Variants in ITFG1 observed in about 807,000 individuals in gnomAD.
The protein encoded by ITFG1 is integrin alpha FG-GAP repeat containing 1, also known as T-cell immunomodulatory protein.
ITFG1 carries 34 observed loss-of-function variants against 81.8 expected under a neutral mutation model. The observed-to-expected ratio is 0.42, with a 90% CI of 0.32 to 0.55. The LOEUF (loss-of-function observed/expected upper bound fraction) is 0.55, where lower values mean the gene tolerates loss of function less well. Ranked by LOEUF, ITFG1 falls within the 20% of genes least tolerant of loss-of-function variation. ITFG1 has a pLI of 0.17. For missense variants in ITFG1, 672 were observed against 755.4 expected, an observed-to-expected ratio of 0.89 and a Z score of 1.29; for synonymous variants, 285 against 270.6, an observed-to-expected ratio of 1.05 and a Z score of -0.52.
intron 14 of ITFG1, among the ~76,000 whole-genome samples, chr16:47,188,256 T>C (rs1965248941): frequency 6.6e-6 from 1 of 152,060 alleles, no homozygotes; most frequent in Non-Finnish European, 1.5e-5. Flanking sequence ...AGCCGTCCCA[T>C]TACTGGGTAT....
chr16:47,162,666 TAG>T lies in ITFG1; in HGVS notation c.1454-4_1454-3del, dbSNP rs1158036454. On this transcript the variant is annotated splice_polypyrimidine_tract_variant and splice_region_variant and intron_variant, in intron 14 of 17. Coordinates refer to ENST00000320640, the MANE Select transcript of ITFG1 (RefSeq NM_030790.5). ...GTGCGGATTGGCTGAGTTGGCCAGC[TAG>T]AGTTATTCAATTAAAAAAAAATTAA... 1.3e-6 allele frequency: 2 copies of T among 1,584,046 alleles called. No homozygotes were observed. Among genetic ancestry groups the T allele is most frequent in the Admixed American group, 3.8e-5 (2 of 53,150 alleles).
rs571770341 is a variant in ITFG1 at position 47,325,744 on chromosome 16, G to A, written c.803-11921C>T. ...TTTAGAAGAAATGGATAAATTCCTC[G>A]ACACATACACCCTCCCAAGACTAAA... On this transcript the variant is annotated intron_variant, in intron 8 of 17. Coordinates refer to ENST00000320640, the MANE Select transcript of ITFG1 (RefSeq NM_030790.5). Among the ~76,000 whole-genome samples, 6 of 152,174 alleles carry A rather than the reference G, an allele frequency of 3.9e-5. No homozygotes were observed. The South Asian group carries it at 8.3e-4, about 21-fold the overall frequency.
chr16:47,396,380 G>A (rs542222376), intron 6 of ITFG1, among the ~76,000 whole-genome samples: 2 of 152,164 alleles, frequency 1.3e-5, no homozygotes, highest in African/African-American at 4.8e-5. Flanking sequence ...ACATGAAGAT[G>A]AGAAAGGGAA....
intron 14 of ITFG1, among the ~76,000 whole-genome samples, chr16:47,208,817 A>G (rs771988819): frequency 3.3e-5 from 5 of 152,218 alleles, no homozygotes; most frequent in Non-Finnish European, 5.9e-5. Context: ...GTGTTATCAC[A>G]TTTGTAAGAG....
intron 6 of ITFG1, among the ~76,000 whole-genome samples, chr16:47,416,957 G>A (rs1016454462): frequency 2.6e-5 from 4 of 152,148 alleles, no homozygotes; most frequent in Non-Finnish European, 2.9e-5. Flanking sequence ...CCAAGATAGC[G>A]GGACTACTGC....
At chr16:47,454,494 AAAT>A (rs1433275495) in intron 2 of ITFG1, among the ~76,000 whole-genome samples, 35 of 152,208 alleles carry the variant, frequency 2.3e-4, no homozygotes, top group African/African-American at 7.7e-4. Context: ...TGTTTCTAAC[AAAT>A]GGAGGCTCAT....
chr16:47,311,214 T>C, intron 10 of ITFG1, 26 bp downstream of exon 10: 1 of 1,555,444 alleles, frequency 6.4e-7, no homozygotes, highest in Non-Finnish European at 8.8e-7. Context: ...TTTACAAATA[T>C]TTCTCACTTG....
chr16:47,327,740 G>A (rs1967572833), intron 8 of ITFG1, among the ~76,000 whole-genome samples: 1 of 152,130 alleles, frequency 6.6e-6, no homozygotes, highest in African/African-American at 2.4e-5. Context: ...CATCATCACT[G>A]GCCATCAGAG....
chr16:47,441,864 C>G (rs1014571797), intron 5 of ITFG1, among the ~76,000 whole-genome samples: 18 of 152,222 alleles, frequency 1.2e-4, no homozygotes, highest in Admixed American at 6.5e-4. Flanking sequence ...AAAGGGAATT[C>G]AATTAGGAAA....
chr16:47,301,079 G>C (rs1395251509), intron 10 of ITFG1, among the ~76,000 whole-genome samples: 2 of 152,134 alleles, frequency 1.3e-5, no homozygotes, highest in African/African-American at 4.8e-5. Context: ...AGAAATCTAT[G>C]TGCCTTAATA....
intron 1 of ITFG1, among the ~76,000 whole-genome samples, chr16:47,459,602 A>G (rs1333478724): frequency 6.6e-6 from 1 of 152,206 alleles, no homozygotes; most frequent in Non-Finnish European, 1.5e-5. Context: ...AGGGACTCCC[A>G]TTGTAGATAT....
chr16:47,395,393 A>C (rs1287020401), intron 6 of ITFG1, among the ~76,000 whole-genome samples: 1 of 152,222 alleles, frequency 6.6e-6, no homozygotes, highest in Non-Finnish European at 1.5e-5. Context: ...CATTGGCATA[A>C]TATATGCTGC....
At chr16:47,461,098 G>T, upstream of ITFG1, 2 of 1,438,542 alleles carry the variant, frequency 1.4e-6, no homozygotes, top group Non-Finnish European at 1.8e-6. Flanking sequence ...GACGACAGCC[G>T]CAAAGCACCG....
intron 5 of ITFG1, among the ~76,000 whole-genome samples, chr16:47,446,849 C>T (rs1969330530): frequency 6.6e-6 from 1 of 151,528 alleles, no homozygotes; most frequent in African/African-American, 2.4e-5. Flanking sequence ...ATGGATTTTT[C>T]AACTATACTG....
chr16:47,163,752 T>C (rs1290266028), intron 14 of ITFG1, among the ~76,000 whole-genome samples: 1 of 152,196 alleles, frequency 6.6e-6, no homozygotes, highest in African/African-American at 2.4e-5. Context: ...ATGGTTCAAA[T>C]TTTTCCACAT....
chr16:47,187,073 C>A (rs1965228562), intron 14 of ITFG1, among the ~76,000 whole-genome samples: 1 of 152,006 alleles, frequency 6.6e-6, no homozygotes, highest in African/African-American at 2.4e-5. Flanking sequence ...AGGACCTCTT[C>A]AAGGAGAACT....
At chr16:47,168,041 CCA>C in intron 14 of ITFG1, among the ~76,000 whole-genome samples, 2 of 152,302 alleles carry the variant, frequency 1.3e-5, no homozygotes, top group South Asian at 4.1e-4. Context: ...TTTTACATTC[CCA>C]CCAGCAATGT....
chr16:47,418,510 T>C (rs1968901135), intron 6 of ITFG1, among the ~76,000 whole-genome samples: 1 of 152,208 alleles, frequency 6.6e-6, no homozygotes, highest in Non-Finnish European at 1.5e-5. Context: ...TTATGTTTTC[T>C]TCTAGTAATT....
chr16:47,193,822 A>G (rs1965322128), intron 14 of ITFG1, among the ~76,000 whole-genome samples: 1 of 152,234 alleles, frequency 6.6e-6, no homozygotes, highest in South Asian at 2.1e-4. Flanking sequence ...CTGTTCACTA[A>G]ACTGTAATGA....
Sources: gnomAD v4.1 joint callset for allele counts (sites outside exome capture counted in the v4.1 genomes callset) on GRCh38, gnomAD v4.1.1 for gene constraint, MANE v1.5 for transcripts, NCBI Gene and HGNC (gene_info 2026-07-23, HGNC 2026-07-21) for gene names.